The following RIMBP2 variants were observed in gnomAD, a reference collection of about 807,000 sequenced individuals.
RIMBP2 encodes the protein RIMS binding protein 2.
Under a neutral mutation model 118.6 loss-of-function variants are expected in RIMBP2, and 48 were observed. That is an observed-to-expected ratio of 0.40 (90% CI 0.32 to 0.51). The LOEUF (loss-of-function observed/expected upper bound fraction) is 0.51. Among genes scored for constraint, RIMBP2 ranks in the 20% least tolerant of loss-of-function variants. The pLI is 0.41. For missense variants in RIMBP2, 1,551 were observed against 1,768.3 expected, an observed-to-expected ratio of 0.88 and a Z score of 2.20; for synonymous variants, 762 against 742.9, an observed-to-expected ratio of 1.03 and a Z score of -0.42.
intron 4 of RIMBP2, 69 bp downstream of exon 4, chr12:130,506,579 C>T: frequency 1.0e-6 from 1 of 978,860 alleles, no homozygotes; most frequent in Non-Finnish European, 1.2e-6. Flanking sequence ...CGGGGTCCTG[C>T]AGCCCCTCCT....
rs941427283 is a variant in RIMBP2, at chr12:130,511,762, C to T, written c.-126-4992G>A. ...CAGAGCTTCGTGAGAAAAGCTTCAG[C>T]CCCTCTTCCTCCCACCACAGTGGGG... On this transcript the variant is annotated intron_variant, in intron 3 of 22. Transcript: ENST00000690449. This position sits in a 1 kb window ranked among gnomAD's most constrained non-coding sequence, Gnocchi z 4.3. 2.0e-5 allele frequency among the ~76,000 whole-genome samples: 3 copies of T among 152,128 alleles called. No individual in the cohort carries two copies. Among genetic ancestry groups the T allele is most frequent in the African/African-American group, 7.2e-5 (3 of 41,434 alleles).
intron 19 of RIMBP2, among the ~76,000 whole-genome samples, chr12:130,410,984 T>A (rs1365723317): frequency 6.6e-6 from 1 of 152,228 alleles, no homozygotes; most frequent in East Asian, 1.9e-4. Flanking sequence ...ATGAATATGA[T>A]CTCTCTGTCC....
intron 2 of RIMBP2, among the ~76,000 whole-genome samples, chr12:130,580,148 A>C (rs965227636): frequency 1.3e-5 from 2 of 151,832 alleles, no homozygotes; most frequent in Non-Finnish European, 2.9e-5. Flanking sequence ...CAGTGAACCA[A>C]GATCACACCA....
At chr12:130,608,669 T>C (rs1164707917) in intron 2 of RIMBP2, among the ~76,000 whole-genome samples, 1 of 152,228 alleles carries the variant, frequency 6.6e-6, no homozygotes, top group African/African-American at 2.4e-5. Context: ...GCCACTCCTC[T>C]TTAGGACTCT....
intron 3 of RIMBP2, among the ~76,000 whole-genome samples, chr12:130,510,641 G>C (rs958128335): frequency 2.0e-5 from 3 of 152,164 alleles, no homozygotes; most frequent in African/African-American, 7.2e-5. Context: ...GCTAATTTTT[G>C]CATTTTAAGG....
intron 2 of RIMBP2, among the ~76,000 whole-genome samples, chr12:130,608,713 A>G (rs79035597): frequency 0.02 from 3,027 of 152,308 alleles, 98 homozygotes; most frequent in African/African-American, 0.069. Flanking sequence ...ATCACGTGGC[A>G]TTTTGACATA....
At chr12:130,636,305 CCA>C (rs973118060) in intron 1 of RIMBP2, among the ~76,000 whole-genome samples, 62 of 152,186 alleles carry the variant, frequency 4.1e-4, no homozygotes, top group African/African-American at 1.4e-3. Flanking sequence ...CTCTTGAGCA[CCA>C]CACAGATTCC....
At chr12:130,664,446 C>CACGCACACACGCACACACACGTGCAT (rs71088776) in intron 1 of RIMBP2, among the ~76,000 whole-genome samples, 1 of 73,238 alleles carries the variant, frequency 1.4e-5, no homozygotes, top group Non-Finnish European at 3.5e-5. Context: ...CACGCACACA[C>CACGCACACACGCACACACACGTGCAT]GCACACACAT....
intron 1 of RIMBP2, among the ~76,000 whole-genome samples, chr12:130,629,867 T>TACAAAGGAGTACA (rs1555313815): frequency 6.6e-6 from 1 of 150,926 alleles, no homozygotes; most frequent in Non-Finnish European, 1.5e-5. Flanking sequence ...AGTCTTGGAG[T>TACAAAGGAGTACA]ACCAAGGAGT....
chr12:130,615,272 C>CATATATATATATATATATATAT (rs1555309104), intron 2 of RIMBP2, among the ~76,000 whole-genome samples: 8 of 38,772 alleles, frequency 2.1e-4, no homozygotes, highest in Admixed American at 5.9e-4. Flanking sequence ...ACATAATACA[C>CATATATATATATATATATATAT]ATACATATAT....
intron 15 of RIMBP2, chr12:130,426,889 C>T (rs1403900421): frequency 1.3e-5 from 2 of 152,492 alleles, no homozygotes; most frequent in East Asian, 1.9e-4. Context: ...GACTCATGGG[C>T]ACTTTTTCGG....
chr12:130,642,577 G>C (rs888614754), intron 1 of RIMBP2, among the ~76,000 whole-genome samples: 8 of 152,208 alleles, frequency 5.3e-5, no homozygotes, highest in Non-Finnish European at 1.0e-4. Flanking sequence ...GAGCCACCAT[G>C]CCCAGCCTGG....
Position 130,511,632 on chromosome 12 carries a change from G to C in RIMBP2, c.-126-4862C>G, listed in dbSNP as rs1210525258. 6.6e-6 allele frequency among the ~76,000 whole-genome samples: 1 copy of C among 152,166 alleles called. No individual in the cohort carries two copies. The highest frequency in any genetic ancestry group is 1.5e-5 in the Non-Finnish European group (1 of 68,036). On this transcript the variant is annotated intron_variant, in intron 3 of 22. Coordinates refer to ENST00000690449, the MANE Select transcript of RIMBP2 (RefSeq NM_001393629.1). The surrounding 1 kb of genome is among the most constrained non-coding windows in gnomAD (Gnocchi z 4.3). The stretch of plus-strand genomic sequence containing the variant: ...TTAGCAACCCTCAATTGCTTTTGGA[G>C]TATGCGCCATCTCTCTCCTGCTGGG...
intron 5 of RIMBP2, among the ~76,000 whole-genome samples, chr12:130,474,108 C>T (rs928582396): frequency 2.0e-5 from 3 of 152,286 alleles, no homozygotes; most frequent in East Asian, 1.9e-4. Flanking sequence ...AGCAACGGAG[C>T]GCAGCCGGAC....
intron 1 of RIMBP2, among the ~76,000 whole-genome samples, chr12:130,681,522 A>T (rs1020387874): frequency 7.0e-6 from 1 of 142,470 alleles, no homozygotes. Context: ...CCTCTATTCT[A>T]CTTTTTGTTG....
In RIMBP2 at chr12:130,450,306, A is replaced by G; in HGVS notation, c.505-30T>C. 1 of 1,551,678 alleles carries G rather than the reference A, an allele frequency of 6.4e-7. No homozygotes were observed. The highest frequency in any genetic ancestry group is 8.8e-7 in the Non-Finnish European group (1 of 1,131,092). On this transcript the variant is annotated intron_variant, in intron 8 of 22. Coordinates refer to ENST00000690449, the MANE Select transcript of RIMBP2 (RefSeq NM_001393629.1). The surrounding 1 kb of genome is among the most constrained non-coding windows in gnomAD (Gnocchi z 4.8). Reference sequence around the variant, plus strand: ...GAAAAAGGCAATGGGTGTGTGGGTTATTGAAGCTGGAGGTGTCCCACCCCA... The same window carrying G: ...GAAAAAGGCAATGGGTGTGTGGGTTGTTGAAGCTGGAGGTGTCCCACCCCA...
chr12:130,694,158 T>C (rs911973243), intron 1 of RIMBP2, among the ~76,000 whole-genome samples: 5 of 152,214 alleles, frequency 3.3e-5, no homozygotes, highest in African/African-American at 4.8e-5. Flanking sequence ...GCCAGCTGTG[T>C]GCAGGCCCCA....
rs977130270 is a variant in RIMBP2, at chr12:130,664,148, C to T, written c.-351-35692G>A. ...AAAAGAAGTGTCAACAAATACTGAA[C>T]CCCACTTGGTAAAGTCTTTTCCCCT... On this transcript the variant is annotated intron_variant, in intron 1 of 22. Coordinates refer to ENST00000690449, the MANE Select transcript of RIMBP2 (RefSeq NM_001393629.1). Among the ~76,000 whole-genome samples the T allele has an allele frequency of 3.3e-5, 5 of 151,774 alleles. No homozygotes were observed. In the South Asian group the frequency reaches 1.0e-3, roughly 32 times the overall value.
chr12:130,544,407 C>T (rs2139606933), intron 2 of RIMBP2, among the ~76,000 whole-genome samples: 1 of 152,288 alleles, frequency 6.6e-6, no homozygotes, highest in South Asian at 2.1e-4. Flanking sequence ...CTCATTGATG[C>T]TGAGATACAG....
Sources: gnomAD v4.1 joint callset for allele counts (sites outside exome capture counted in the v4.1 genomes callset) on GRCh38, gnomAD v4.1.1 for gene constraint, Gnocchi (gnomAD v3.1) non-coding constraint, MANE v1.5 for transcripts, NCBI Gene and HGNC (gene_info 2026-07-23, HGNC 2026-07-21) for gene names.